ELP5: variants seen among roughly 807,000 people sequenced by gnomAD.
ELP5 encodes the protein elongator acetyltransferase complex subunit 5.
In ELP5, 34 loss-of-function variants were observed where a neutral mutation model predicts 33.4. The observed-to-expected ratio is 1.02, with a 90% CI of 0.78 to 1.36. The LOEUF is 1.36. ELP5 is among the 40% of genes most tolerant of loss of function. The probability of loss-of-function intolerance (pLI) is 0.00; values close to 1 mark genes in which losing one functional copy is unlikely to be tolerated. For synonymous variants in ELP5, 161 were observed against 146.4 expected, an observed-to-expected ratio of 1.10 and a Z score of -0.72; for missense variants, 373 against 371.7, an observed-to-expected ratio of 1.00 and a Z score of -0.03.
chr17:7,256,364 T>G (rs2143000987), intron 4 of ELP5, among the ~76,000 whole-genome samples: 1 of 152,088 alleles, frequency 6.6e-6, no homozygotes, highest in African/African-American at 2.4e-5. Flanking sequence ...GAAAAAAAAA[T>G]TGTTAAATGT....
At chr17:7,257,667 G>C (rs1247786772) in intron 5 of ELP5, among the ~76,000 whole-genome samples, 6 of 152,028 alleles carry the variant, frequency 3.9e-5, no homozygotes, top group Non-Finnish European at 5.9e-5. Context: ...GAATAACTAG[G>C]CTCAAGCCAT....
At chr17:7,258,798 A>G (rs766192015) in intron 6 of ELP5, 28 bp from the exon 7 acceptor site, 1 of 1,614,180 alleles carries the variant, frequency 6.2e-7, no homozygotes, top group South Asian at 1.1e-5. Context: ...GGGATGGGGC[A>G]GAGTGGCAGC....
At chr17:7,254,907 G>C in intron 4 of ELP5, 104 bp downstream of exon 4, 1 of 879,518 alleles carries the variant, frequency 1.1e-6, no homozygotes, top group Non-Finnish European at 1.7e-6. Flanking sequence ...TCTCCAGTCA[G>C]ACCTTTTTTC....
At chr17:7,259,027 G>A in intron 7 of ELP5, 101 bp downstream of exon 7, 1 of 1,538,544 alleles carries the variant, frequency 6.5e-7, no homozygotes, top group Non-Finnish European at 8.7e-7. Context: ...GACTTTATAG[G>A]GACTGAAGTC....
At chr17:7,258,175 G>A (rs938004143) in intron 5 of ELP5, among the ~76,000 whole-genome samples, 1 of 152,146 alleles carries the variant, frequency 6.6e-6, no homozygotes, top group Admixed American at 6.5e-5. Flanking sequence ...GAGGCTGGGC[G>A]CAGTGGCTTA....
chr17:7,258,585 C>T lies in ELP5; in HGVS notation c.592-3C>T, dbSNP rs2072132719. ...AAAAAACTCTTTTCTTTTTTCTCTC[C>T]AGACTCAGTGGTTCTCCATCCTTCC... On this transcript the variant is annotated splice_region_variant and splice_polypyrimidine_tract_variant and intron_variant, in intron 5 of 7. Coordinates refer to ENST00000396628, the MANE Select transcript of ELP5 (RefSeq NM_203414.3). 1.2e-6 allele frequency: 2 copies of T among 1,613,510 alleles called. No individual in the cohort carries two copies. The highest frequency in any genetic ancestry group is 1.7e-4 in the Middle Eastern group (1 of 6,058).
intron 3 of ELP5, 149 bp from the exon 4 acceptor site, chr17:7,254,434 C>T (rs1170265043): frequency 3.0e-6 from 2 of 657,690 alleles, no homozygotes; most frequent in South Asian, 2.0e-5. Flanking sequence ...CTCTCAATCA[C>T]TGTATGCTCT....
chr17:7,259,921 A>G lies in ELP5; in HGVS notation c.*236A>G, dbSNP rs565471914. The stretch of plus-strand genomic sequence containing the variant: ...ACCCCCGTACCTAATAAAAATCTTT[A>G]TTTTTTTATTAAAAAAGAAGTACTT... On this transcript the variant is annotated 3_prime_UTR_variant, in exon 8 of 8. Coordinates refer to ENST00000396628, the MANE Select transcript of ELP5 (RefSeq NM_203414.3). The G allele has an allele frequency of 2.1e-6, 1 of 479,626 alleles. No homozygotes were observed. The highest frequency in any genetic ancestry group is 3.4e-6 in the Non-Finnish European group (1 of 296,810). The allele number at this position is 479,626 out of a possible 1,614,324, so 29.7% of individuals were successfully genotyped here.
upstream of ELP5, chr17:7,251,964 C>G (rs895657547): frequency 7.5e-5 from 12 of 160,428 alleles, no homozygotes; most frequent in Admixed American, 7.2e-4. Context: ...CGCCATTTTA[C>G]CGTCCAAAGG....
At chr17:7,258,525 G>A in intron 5 of ELP5, 63 bp from the exon 6 acceptor site, 1 of 1,507,900 alleles carries the variant, frequency 6.6e-7, no homozygotes, top group South Asian at 1.1e-5. Flanking sequence ...AGGATGTGAG[G>A]TCCTGGAGTC....
rs562728185 is a variant in ELP5 at position 7,254,791 on chromosome 17, G to A, written c.397G>A (p.Asp133Asn). 2.5e-5 allele frequency: 41 copies of A among 1,614,090 alleles called. 1 individual carries two copies. In the East Asian group the frequency reaches 8.5e-4, roughly 33 times the overall value. Residue 133 changes from aspartate (D) to asparagine (N), a missense_variant, in exon 4 of 8, where the codon GAC becomes AAC. Coordinates refer to ENST00000396628, the MANE Select transcript of ELP5 (RefSeq NM_203414.3). The stretch of plus-strand genomic sequence containing the variant: ...GGTCCTGCATGCTGTGAGCCATCAG[G>A]ACTCTTGTCCTGGTGAGACCCCTCC... ...CQVLHAVSHQ[D>N]SCPGDSSSVG... is the part of the protein sequence containing the mutation.
intron 3 of ELP5, among the ~76,000 whole-genome samples, chr17:7,254,013 C>T (rs8071219): frequency 0.02 from 2,090 of 103,468 alleles, 40 homozygotes; most frequent in African/African-American, 0.085. Flanking sequence ...AAAAAAAAAG[C>T]GGGCACTCCA....
chr17:7,253,346 AGT>A (rs2071997029), intron 3 of ELP5, among the ~76,000 whole-genome samples: 1 of 152,206 alleles, frequency 6.6e-6, no homozygotes. Flanking sequence ...GACGGCAGTG[AGT>A]GAGACCTGTT....
upstream of ELP5, chr17:7,252,182 G>T (rs555581962): frequency 7.8e-6 from 3 of 386,694 alleles, no homozygotes; most frequent in East Asian, 1.9e-4. Context: ...AGCAGGCCCC[G>T]CCTCAAACTG....
chr17:7,258,662 C>T lies in ELP5; in HGVS notation c.666C>T (p.Tyr222=), dbSNP rs1280685550. The T allele has an allele frequency of 6.8e-6, 11 of 1,614,182 alleles. No individual in the cohort carries two copies. Among genetic ancestry groups the T allele is most frequent in the Non-Finnish European group, 7.6e-6 (9 of 1,180,044 alleles). The change falls in exon 6 of 8, where the codon TAC becomes TAT. Residue 222 remains tyrosine, a synonymous_variant. Coordinates refer to ENST00000396628, the MANE Select transcript of ELP5 (RefSeq NM_203414.3). ...QEGPSVESQP[Y]SDPHIPPVDP... ...GGCCCTCTGTAGAGTCCCAGCCCTA[C>T]TCCGATCCTCATATACCCCCGGTAT...
Position 7,258,835 on chromosome 17 carries a change from A to G in ELP5, c.697A>G (p.Thr233Ala). ...TCCTTTGTACCTACAGGTGGATCCC[A>G]CAACTCATTTGACCTTTAACCTTCA... The part of the protein sequence containing the change: ...SDPHIPPVDP[T>A]THLTFNLHLS... The change falls in exon 7 of 8, where the codon ACA becomes GCA. Residue 233 changes from threonine (T) to alanine (A), a missense_variant. Physicochemically the swap from Thr to Ala is moderately conservative, Grantham distance 58 (BLOSUM62 0). Transcript: ENST00000396628. 1.2e-6 allele frequency: 2 copies of G among 1,614,186 alleles called. No homozygotes were observed. The highest frequency in any genetic ancestry group is 1.7e-6 in the Non-Finnish European group (2 of 1,180,036).
intron 4 of ELP5, 73 bp from the exon 5 acceptor site, chr17:7,256,784 C>A (rs952028125): frequency 2.3e-5 from 35 of 1,493,278 alleles, no homozygotes; most frequent in Non-Finnish European, 1.1e-5. Flanking sequence ...GAGGCTCTCT[C>A]TTCTTCACTG....
At chr17:7,257,570 G>A (rs577899229) in intron 5 of ELP5, among the ~76,000 whole-genome samples, 1 of 151,834 alleles carries the variant, frequency 6.6e-6, no homozygotes, top group Non-Finnish European at 1.5e-5. Context: ...AGCTGGAGGT[G>A]GGAGCACAGG....
At chr17:7,252,706 G>A in intron 1 of ELP5, 64 bp from the exon 2 acceptor site, 2 of 1,612,390 alleles carry the variant, frequency 1.2e-6, no homozygotes, top group Non-Finnish European at 1.7e-6. Context: ...TGGAAATCGC[G>A]ACGGGTTCGC....
Sources: allele counts gnomAD v4.1 joint callset (sites outside exome capture counted in the v4.1 genomes callset), GRCh38; gene constraint gnomAD v4.1.1; transcripts MANE v1.5; gene names NCBI Gene and HGNC (gene_info 2026-07-23, HGNC 2026-07-21).